SPAG16: variants seen among roughly 807,000 people sequenced by gnomAD.
SPAG16 encodes the protein sperm-associated antigen 16 protein.
Under a neutral mutation model 80.4 loss-of-function variants are expected in SPAG16, and 86 were observed. The ratio of observed to expected loss-of-function variants is 1.07; its 90% confidence interval spans 0.90 to 1.28. SPAG16 has a LOEUF of 1.28. Ranked by LOEUF, SPAG16 falls within the 50% of genes most tolerant of loss-of-function variation. The pLI, the probability that SPAG16 is intolerant of heterozygous loss-of-function variation, is 0.00. For missense variants in SPAG16, 870 were observed against 765.3 expected, an observed-to-expected ratio of 1.14 and a Z score of -1.61; for synonymous variants, 294 against 265.9, an observed-to-expected ratio of 1.11 and a Z score of -1.03.
At chr2:214,257,397 C>T (rs1156374418) in intron 15 of SPAG16, among the ~76,000 whole-genome samples, 1 of 151,912 alleles carries the variant, frequency 6.6e-6, no homozygotes, top group African/African-American at 2.4e-5. Context: ...GCTCTTAAGA[C>T]CTCCAGTAAA....
intron 10 of SPAG16, among the ~76,000 whole-genome samples, chr2:213,702,585 A>G (rs936802381): frequency 2.0e-5 from 3 of 152,186 alleles, no homozygotes; most frequent in South Asian, 2.1e-4. Context: ...TTCCGGACAC[A>G]ATAATATTTC....
intron 15 of SPAG16, among the ~76,000 whole-genome samples, chr2:214,169,445 C>T (rs780232734): frequency 6.6e-6 from 1 of 151,954 alleles, no homozygotes; most frequent in Non-Finnish European, 1.5e-5. Flanking sequence ...GCATTTTGGT[C>T]ATTTTTCTTT....
intron 14 of SPAG16, among the ~76,000 whole-genome samples, chr2:214,137,240 C>T (rs1164990216): frequency 2.0e-5 from 3 of 152,148 alleles, no homozygotes; most frequent in Non-Finnish European, 2.9e-5. Flanking sequence ...TGTATACATA[C>T]AACATAGACA....
chr2:213,379,679 A>C (rs2067063647), intron 9 of SPAG16, among the ~76,000 whole-genome samples: 1 of 152,188 alleles, frequency 6.6e-6, no homozygotes, highest in Non-Finnish European at 1.5e-5. Flanking sequence ...CAGTATAATC[A>C]ATCTGCCATC....
chr2:213,619,670 A>G (rs552486568), intron 10 of SPAG16, among the ~76,000 whole-genome samples: 2 of 152,310 alleles, frequency 1.3e-5, no homozygotes, highest in Admixed American at 1.3e-4. Context: ...AATAAATACT[A>G]GAAAAGATGT....
intron 14 of SPAG16, among the ~76,000 whole-genome samples, chr2:214,147,402 A>G (rs1430452300): frequency 6.6e-6 from 1 of 152,194 alleles, no homozygotes; most frequent in Non-Finnish European, 1.5e-5. Context: ...TCTTTAATCC[A>G]TAGACTCCAG....
intron 13 of SPAG16, among the ~76,000 whole-genome samples, chr2:214,065,934 A>G (rs1366167389): frequency 1.3e-5 from 2 of 152,168 alleles, no homozygotes; most frequent in Admixed American, 6.6e-5. Flanking sequence ...GACACATTAT[A>G]TATACCTGAT....
At chr2:213,316,029 T>C (rs993844043) in intron 4 of SPAG16, among the ~76,000 whole-genome samples, 2 of 152,040 alleles carry the variant, frequency 1.3e-5, no homozygotes, top group African/African-American at 4.8e-5. Flanking sequence ...TTAAATAGTA[T>C]CTATAATGTT....
intron 10 of SPAG16, among the ~76,000 whole-genome samples, chr2:213,759,607 T>C (rs2068538180): frequency 6.6e-6 from 1 of 151,894 alleles, no homozygotes; most frequent in Non-Finnish European, 1.5e-5. Flanking sequence ...ATCCCTATGG[T>C]AACCACCAAG....
intron 14 of SPAG16, among the ~76,000 whole-genome samples, chr2:214,143,518 T>TA (rs1208333974): frequency 6.6e-6 from 1 of 152,152 alleles, no homozygotes; most frequent in Non-Finnish European, 1.5e-5. Flanking sequence ...ACAGGTATGT[T>TA]ATAAGTGATA....
chr2:214,153,704 A>G (rs1016681669), intron 15 of SPAG16, among the ~76,000 whole-genome samples: 1 of 152,136 alleles, frequency 6.6e-6, no homozygotes, highest in African/African-American at 2.4e-5. Context: ...AATAAAAGAA[A>G]CAAGGATCAA....
chr2:213,659,034 C>CA lies in SPAG16; in HGVS notation c.1070+168953dup, dbSNP rs894805747. Among the ~76,000 whole-genome samples, 609 of 148,052 alleles carry CA rather than the reference C, an allele frequency of 4.1e-3. 2 individuals are homozygous for CA. The highest frequency in any genetic ancestry group is 0.012 in the African/African-American group (501 of 40,316). ...CTGGCAACAGAGCGAGACTCTGTCT[C>CA]AAAAAAAAACAAAAACACAACACTA... On this transcript the variant is annotated intron_variant, in intron 10 of 15. Coordinates refer to ENST00000331683, the MANE Select transcript of SPAG16 (RefSeq NM_024532.5).
At chr2:214,283,477 G>A (rs759046025) in intron 15 of SPAG16, among the ~76,000 whole-genome samples, 13 of 151,700 alleles carry the variant, frequency 8.6e-5, no homozygotes, top group Non-Finnish European at 1.5e-4. Context: ...TTCTTTAATT[G>A]CCACAAGGCC....
intron 11 of SPAG16, among the ~76,000 whole-genome samples, chr2:213,889,053 AAAGGCCATAT>A (rs779602359): frequency 6.6e-6 from 1 of 151,998 alleles, no homozygotes; most frequent in Non-Finnish European, 1.5e-5. Flanking sequence ...GGATTTTTTT[AAAGGCCATAT>A]TGTAAATGTC....
intron 1 of SPAG16, among the ~76,000 whole-genome samples, chr2:213,287,408 T>A (rs2126044959): frequency 6.6e-6 from 1 of 152,366 alleles, no homozygotes; most frequent in Admixed American, 6.5e-5. Flanking sequence ...AAGGCCAGCA[T>A]GAATTTGTAC....
intron 5 of SPAG16, among the ~76,000 whole-genome samples, chr2:213,322,386 G>A (rs1308163200): frequency 1.5e-5 from 2 of 131,278 alleles, no homozygotes; most frequent in African/African-American, 2.8e-5. Context: ...ATTGATTCCT[G>A]AAAGCACCAG....
At position 214,359,241 on chromosome 2, in the gene SPAG16, A is replaced by G. The variant is rs146850402; in HGVS notation, c.1721-50899A>G. Among the ~76,000 whole-genome samples, 598 of 152,002 alleles carry G rather than the reference A, an allele frequency of 3.9e-3. 2 individuals are homozygous for G. Among genetic ancestry groups the G allele is most frequent in the African/African-American group, 0.013 (558 of 41,526 alleles). ...TTCTATTCCCATTATATAGATGAGAAAATAATCTTAGAGAAGTTAATTTTT... is the reference window on the plus strand; with the variant it reads ...TTCTATTCCCATTATATAGATGAGAGAATAATCTTAGAGAAGTTAATTTTT... On this transcript the variant is annotated intron_variant, in intron 15 of 15. Transcript: ENST00000331683.
intron 15 of SPAG16, among the ~76,000 whole-genome samples, chr2:214,186,370 TA>T (rs917846821): frequency 6.6e-6 from 1 of 152,140 alleles, no homozygotes; most frequent in Non-Finnish European, 1.5e-5. Context: ...TTCCTTCTTC[TA>T]AGCAAATAAA....
At chr2:213,881,280 A>G (rs1402705434) in intron 11 of SPAG16, among the ~76,000 whole-genome samples, 1 of 152,186 alleles carries the variant, frequency 6.6e-6, no homozygotes, top group Non-Finnish European at 1.5e-5. Context: ...TTATTGGTGT[A>G]TAGGAATGCT....
Sources: gnomAD v4.1 joint callset for allele counts (sites outside exome capture counted in the v4.1 genomes callset) on GRCh38, gnomAD v4.1.1 for gene constraint, MANE v1.5 for transcripts, NCBI Gene and HGNC (gene_info 2026-07-23, HGNC 2026-07-21) for gene names.